CA5B: variants seen among roughly 807,000 people sequenced by gnomAD.
The protein encoded by CA5B is carbonic anhydrase 5B.
A neutral mutation model predicts 23.1 loss-of-function variants in CA5B; 15 were observed. The ratio of observed to expected loss-of-function variants is 0.65; its 90% CI spans 0.43 to 1.00. The LOEUF (loss-of-function observed/expected upper bound fraction) is 1.00. Ranked by LOEUF, CA5B falls within the 50% of genes least tolerant of loss-of-function variation. The pLI, the probability that CA5B is intolerant of heterozygous loss-of-function variation, is 0.00. For synonymous variants in CA5B, 84 were observed against 98.5 expected (o/e 0.85, Z 0.87); for missense variants, 236 against 252.2 (o/e 0.94, Z 0.43).
intron 2 of CA5B, among the ~76,000 whole-genome samples, chrX:15,753,804 GA>G (rs2147257838): frequency 8.9e-6 from 1 of 112,234 alleles, no homozygotes; most frequent in Admixed American, 9.4e-5. Flanking sequence ...AGCTACTCAG[GA>G]GGCTGAGGCA....
At chrX:15,759,504 C>T (rs1302163989) in intron 2 of CA5B, among the ~76,000 whole-genome samples, 2 of 111,275 alleles carry the variant, frequency 1.8e-5, no homozygotes, top group Non-Finnish European at 3.8e-5. Context: ...GCTGGTGCCT[C>T]GATCTTGGAC....
At chrX:15,742,559 A>G (rs986773794) in intron 1 of CA5B, among the ~76,000 whole-genome samples, 2 of 112,241 alleles carry the variant, frequency 1.8e-5, no homozygotes, top group African/African-American at 6.5e-5. Flanking sequence ...TTTTTAGTAG[A>G]GTCGTGGTTT....
At chrX:15,773,611 G>C (rs914926399) in intron 4 of CA5B, among the ~76,000 whole-genome samples, 4 of 109,698 alleles carry the variant, frequency 3.6e-5, no homozygotes, top group Admixed American at 2.9e-4. Flanking sequence ...GAGTTTCACC[G>C]TGTTAGCCAG....
At chrX:15,739,296 G>A (rs1282508319) in intron 1 of CA5B, among the ~76,000 whole-genome samples, 2 of 111,839 alleles carry the variant, frequency 1.8e-5, no homozygotes, top group South Asian at 3.7e-4. Context: ...TCTTGCTAGA[G>A]TATGGAGACA....
intron 2 of CA5B, among the ~76,000 whole-genome samples, chrX:15,752,570 A>G (rs1453674516): frequency 5.4e-5 from 6 of 110,973 alleles, no homozygotes; most frequent in Admixed American, 4.8e-4. Context: ...CTAAAAATAC[A>G]GAAAATTAGC....
intron 2 of CA5B, among the ~76,000 whole-genome samples, chrX:15,753,767 G>C (rs899145716): frequency 1.8e-5 from 2 of 111,743 alleles, no homozygotes; most frequent in Non-Finnish European, 3.8e-5. Flanking sequence ...AAATTAGCCA[G>C]GTGTGGTGGT....
At chrX:15,740,744 A>G (rs1931102292) in intron 1 of CA5B, among the ~76,000 whole-genome samples, 1 of 112,154 alleles carries the variant, frequency 8.9e-6, no homozygotes, top group Admixed American at 9.4e-5. Flanking sequence ...CAGCTATCCC[A>G]TTGACACCTT....
chrX:15,743,063 C>G (rs1931154791), intron 1 of CA5B, among the ~76,000 whole-genome samples: 1 of 112,519 alleles, frequency 8.9e-6, no homozygotes, highest in East Asian at 2.8e-4. Flanking sequence ...TACCTGTGAA[C>G]CTCATCTCCT....
intron 3 of CA5B, among the ~76,000 whole-genome samples, chrX:15,771,423 TTGTGTG>T (rs569735820): frequency 1.5e-3 from 154 of 102,627 alleles, no homozygotes; most frequent in African/African-American, 5.3e-3. Context: ...TGGTAATAAT[TTGTGTG>T]TGTGTGTGTG....
chrX:15,767,761 G>A (rs190701878), intron 3 of CA5B, among the ~76,000 whole-genome samples: 4 of 108,495 alleles, frequency 3.7e-5, no homozygotes, highest in South Asian at 4.1e-4. Flanking sequence ...GCTAATTTTC[G>A]GTATTTGTAG....
chrX:15,758,381 A>G (rs1175094314), intron 2 of CA5B, among the ~76,000 whole-genome samples: 1 of 112,441 alleles, frequency 8.9e-6, no homozygotes, highest in Non-Finnish European at 1.9e-5. Context: ...TTATAAGGGT[A>G]TTAATCCCGT....
intron 2 of CA5B, among the ~76,000 whole-genome samples, chrX:15,750,773 C>T (rs765201677): frequency 1.8e-5 from 2 of 112,144 alleles, no homozygotes; most frequent in Admixed American, 9.5e-5. Context: ...TGGTCTTCCT[C>T]ACACCTCTCT....
At chrX:15,779,606 G>C (rs193146283) in intron 7 of CA5B, among the ~76,000 whole-genome samples, 16 of 111,993 alleles carry the variant, frequency 1.4e-4, no homozygotes, top group Non-Finnish European at 2.3e-4. Context: ...AAATGCTGTT[G>C]AGGAATAATT....
At chrX:15,781,583 ACAGCACCAGCATAGAG>A (rs1463340793) in intron 7 of CA5B, among the ~76,000 whole-genome samples, 1 of 111,413 alleles carries the variant, frequency 9.0e-6, no homozygotes, top group African/African-American at 3.3e-5. Context: ...GTTCTATTGG[ACAGCACCAGCATAGAG>A]CATCCTGTCT....
At position 15,783,216 on chromosome X, in the gene CA5B, C is replaced by T. The variant is rs1932056376; in HGVS notation, c.*552C>T. 8.9e-6 allele frequency: 1 copy of T among 112,294 alleles called. No individual in the cohort carries two copies. Among genetic ancestry groups the T allele is most frequent in the Non-Finnish European group, 1.9e-5 (1 of 53,325 alleles). 9.3% of individuals were successfully genotyped at this position (112,294 alleles called of 1,213,427 possible). A position where few individuals can be genotyped will look rare whatever the true frequency, so the allele number is the denominator to read the frequency against. Reference sequence around the variant, plus strand: ...AACAGCCTATGGGCCCAGACTGGTACTTCCTGGCTGAATATTGGCCATGGT... The same window carrying T: ...AACAGCCTATGGGCCCAGACTGGTATTTCCTGGCTGAATATTGGCCATGGT... On this transcript the variant is annotated 3_prime_UTR_variant, in exon 8 of 8. Transcript: ENST00000318636.
intron 7 of CA5B, among the ~76,000 whole-genome samples, chrX:15,777,663 A>C (rs1399451362): frequency 8.9e-6 from 1 of 112,483 alleles, no homozygotes; most frequent in Non-Finnish European, 1.9e-5. Flanking sequence ...AGTATGGTTC[A>C]TGTTAAGAAT....
intron 2 of CA5B, among the ~76,000 whole-genome samples, chrX:15,758,531 G>C (rs750959319): frequency 5.4e-5 from 6 of 110,979 alleles, no homozygotes; most frequent in Non-Finnish European, 1.1e-4. Context: ...TTTTGAGACA[G>C]GGTCTTGCTC....
At chrX:15,743,196 C>T (rs976586784) in intron 1 of CA5B, among the ~76,000 whole-genome samples, 1 of 112,536 alleles carries the variant, frequency 8.9e-6, no homozygotes, top group Non-Finnish European at 1.9e-5. Flanking sequence ...CTGAAATGTC[C>T]TTCCTTTAGA....
intron 7 of CA5B, 37 bp from the exon 8 acceptor site, chrX:15,782,448 T>C: frequency 8.7e-7 from 1 of 1,151,007 alleles, no homozygotes; most frequent in Non-Finnish European, 1.2e-6. Flanking sequence ...GCGAGTTTTC[T>C]GTTGAAATTA....
Sources: gnomAD v4.1 joint callset for allele counts (sites outside exome capture counted in the v4.1 genomes callset) on GRCh38, gnomAD v4.1.1 for gene constraint, MANE v1.5 for transcripts, NCBI Gene and HGNC (gene_info 2026-07-23, HGNC 2026-07-21) for gene names.